Variants in SLC4A4 observed in about 807,000 individuals in gnomAD.
SLC4A4 encodes the protein electrogenic sodium bicarbonate cotransporter 1.
SLC4A4 carries 27 observed loss-of-function variants against 111.5 expected under a neutral mutation model. The observed-to-expected ratio is 0.24, with a 90% CI of 0.18 to 0.33. The LOEUF is 0.33. Among genes scored for constraint, SLC4A4 ranks in the 10% least tolerant of loss-of-function variants. The probability of loss-of-function intolerance (pLI) is 1.00; values close to 1 mark genes in which losing one functional copy is unlikely to be tolerated. For synonymous variants in SLC4A4, 443 were observed against 463.4 expected (o/e 0.96, Z 0.57); for missense variants, 909 against 1,315.5 (o/e 0.69, Z 4.78).
At chr4:71,211,274 A>G (rs1029715781) in intron 1 of SLC4A4, among the ~76,000 whole-genome samples, 3 of 152,222 alleles carry the variant, frequency 2.0e-5, no homozygotes, top group African/African-American at 7.2e-5. Context: ...TGCTTTTAAC[A>G]ATATAAAGAC....
chr4:71,335,597 G>C (rs1728365722), intron 3 of SLC4A4, among the ~76,000 whole-genome samples: 1 of 152,166 alleles, frequency 6.6e-6, no homozygotes. Flanking sequence ...GGGCCGAGGA[G>C]CGGGGATCAC....
In SLC4A4 at chr4:71,568,186, A is replaced by G. The variant is rs535102816; in HGVS notation, c.*435A>G. 17 of 263,244 alleles carry G rather than the reference A, an allele frequency of 6.5e-5. 1 individual carries two copies. In the South Asian group the frequency reaches 7.9e-4, roughly 12 times the overall value. 16.3% of individuals were successfully genotyped at this position (263,244 alleles called of 1,614,324 possible). ...CGCACAGACCCTGTCCTTTGCCTCT[A>G]TTAAGCAGAGGATGGAAGTATTAAG... On this transcript the variant is annotated 3_prime_UTR_variant, in exon 26 of 26. Transcript: ENST00000264485.
intron 22 of SLC4A4, among the ~76,000 whole-genome samples, chr4:71,559,714 A>C (rs1448451317): frequency 1.3e-5 from 2 of 151,860 alleles, no homozygotes; most frequent in African/African-American, 2.4e-5. Context: ...ATGATGTTTT[A>C]ATTTTTAATA....
intron 2 of SLC4A4, among the ~76,000 whole-genome samples, chr4:71,167,649 G>A (rs542576792): frequency 9.2e-5 from 14 of 152,258 alleles, no homozygotes; most frequent in African/African-American, 3.4e-4. Context: ...ATTAGAATTG[G>A]ATGTCTAATA....
At chr4:71,077,652 A>G (rs938747080) in intron 1 of SLC4A4, among the ~76,000 whole-genome samples, 1 of 152,204 alleles carries the variant, frequency 6.6e-6, no homozygotes, top group African/African-American at 2.4e-5. Context: ...GAGACAATCA[A>G]TATTTTGGCT....
chr4:71,459,750 A>G (rs187079587), intron 12 of SLC4A4, among the ~76,000 whole-genome samples: 31 of 152,224 alleles, frequency 2.0e-4, no homozygotes, highest in Middle Eastern at 3.4e-3. Flanking sequence ...TTTCAAATAC[A>G]CTACACAAGG....
At chr4:71,372,835 C>G (rs189633009) in intron 6 of SLC4A4, among the ~76,000 whole-genome samples, 18 of 151,172 alleles carry the variant, frequency 1.2e-4, no homozygotes, top group African/African-American at 4.4e-4. Context: ...AGTTGTAATA[C>G]TGTTTTCTTT....
chr4:71,477,197 TG>T (rs1728450430), intron 14 of SLC4A4, among the ~76,000 whole-genome samples: 1 of 151,738 alleles, frequency 6.6e-6, no homozygotes, highest in Non-Finnish European at 1.5e-5. Context: ...AACTCTGAAC[TG>T]GGTTAGTGAT....
chr4:71,452,694 G>A (rs1036988115), intron 11 of SLC4A4, among the ~76,000 whole-genome samples: 3 of 152,138 alleles, frequency 2.0e-5, no homozygotes, highest in Admixed American at 6.6e-5. Flanking sequence ...GTAGACTGAC[G>A]TGCAAGTCAC....
intron 7 of SLC4A4, among the ~76,000 whole-genome samples, chr4:71,424,530 A>T (rs1722906825): frequency 6.6e-6 from 1 of 152,074 alleles, no homozygotes; most frequent in Non-Finnish European, 1.5e-5. Context: ...TGCTATAAAG[A>T]CACATGCACA....
chr4:71,187,320 C>T lies in SLC4A4; in HGVS notation c.-83C>T. On this transcript the variant is annotated 5_prime_UTR_variant, in exon 1 of 26. Transcript: ENST00000264485. Reference sequence around the variant, plus strand: ...GCCGCGGTGGCAGCGAAGGCGGCGGCGGCGGCGGCAGTGGCAGTGGCCGCT... The same window carrying T: ...GCCGCGGTGGCAGCGAAGGCGGCGGTGGCGGCGGCAGTGGCAGTGGCCGCT... 6.5e-6 allele frequency: 1 copy of T among 154,952 alleles called. No homozygotes were observed. The highest frequency in any genetic ancestry group is 1.4e-5 in the Non-Finnish European group (1 of 70,550). The allele number at this position is 154,952 out of a possible 1,614,324, so 9.6% of individuals were successfully genotyped here. A position where few individuals can be genotyped will look rare whatever the true frequency, so the allele number is the denominator to read the frequency against.
At chr4:71,176,001 G>A (rs1171553824) in intron 2 of SLC4A4, among the ~76,000 whole-genome samples, 1 of 152,188 alleles carries the variant, frequency 6.6e-6, no homozygotes, top group Non-Finnish European at 1.5e-5. Context: ...CGATCAGGCA[G>A]CAACATTTGC....
intron 16 of SLC4A4, among the ~76,000 whole-genome samples, chr4:71,526,579 C>T (rs1016643968): frequency 2.0e-5 from 3 of 152,006 alleles, no homozygotes; most frequent in South Asian, 4.2e-4. Flanking sequence ...TCATATTATA[C>T]GTATCATTAA....
chr4:71,404,818 C>CA (rs1720694972), intron 7 of SLC4A4, among the ~76,000 whole-genome samples: 4 of 151,618 alleles, frequency 2.6e-5, no homozygotes. Flanking sequence ...CTTTTTGAGA[C>CA]AGAGTCTCAC....
chr4:71,473,087 T>G, intron 14 of SLC4A4, 117 bp downstream of exon 14: 1 of 1,192,578 alleles, frequency 8.4e-7, no homozygotes, highest in Non-Finnish European at 1.2e-6. Flanking sequence ...CTTGTTTTTT[T>G]CTCTGAAAAA....
intron 6 of SLC4A4, among the ~76,000 whole-genome samples, chr4:71,362,090 C>T (rs909727081): frequency 6.6e-6 from 1 of 152,152 alleles, no homozygotes; most frequent in East Asian, 1.9e-4. Context: ...TCACCTTTTT[C>T]TACCTTTGTA....
At chr4:71,134,025 G>T (rs1017771702) in intron 2 of SLC4A4, among the ~76,000 whole-genome samples, 1 of 152,106 alleles carries the variant, frequency 6.6e-6, no homozygotes. Context: ...GAGGTATACG[G>T]GATGGTGTGC....
chr4:71,096,020 G>A (rs1277218067), intron 2 of SLC4A4, among the ~76,000 whole-genome samples: 1 of 152,090 alleles, frequency 6.6e-6, no homozygotes, highest in African/African-American at 2.4e-5. Context: ...TGGAAGGCCT[G>A]GAGGATTTTT....
chr4:71,146,205 A>T (rs1163718173), intron 2 of SLC4A4, among the ~76,000 whole-genome samples: 1 of 152,074 alleles, frequency 6.6e-6, no homozygotes, highest in East Asian at 1.9e-4. Context: ...TTTATTATGT[A>T]CCCAGTAGTC....
Sources: allele counts gnomAD v4.1 joint callset (sites outside exome capture counted in the v4.1 genomes callset), GRCh38; gene constraint gnomAD v4.1.1; transcripts MANE v1.5; gene names NCBI Gene and HGNC (gene_info 2026-07-23, HGNC 2026-07-21).